ZBTB7C: variants seen among roughly 807,000 people sequenced by gnomAD.
ZBTB7C encodes the protein zinc finger and BTB domain-containing protein 7C.
A neutral mutation model predicts 25.7 loss-of-function variants in ZBTB7C; 8 were observed. The observed-to-expected ratio is 0.31, with a 90% confidence interval of 0.18 to 0.56. The LOEUF (loss-of-function observed/expected upper bound fraction) is 0.56, where lower values mean the gene tolerates loss of function less well. ZBTB7C is among the 20% of genes least tolerant of loss of function. The probability of loss-of-function intolerance (pLI) is 0.91; values close to 1 mark genes in which losing one functional copy is unlikely to be tolerated. For synonymous variants in ZBTB7C, 394 were observed against 369.0 expected (o/e 1.07, Z -0.78); for missense variants, 824 against 855.2 (o/e 0.96, Z 0.46).
At chr18:48,156,646 T>C (rs777268337) in intron 3 of ZBTB7C, among the ~76,000 whole-genome samples, 74 of 152,276 alleles carry the variant, frequency 4.9e-4, no homozygotes, top group Non-Finnish European at 7.9e-4. Context: ...CTTAAGAACA[T>C]CAAACACTGC....
chr18:48,373,910 G>C (rs1198064145), intron 1 of ZBTB7C, among the ~76,000 whole-genome samples: 6 of 151,464 alleles, frequency 4.0e-5, no homozygotes, highest in Non-Finnish European at 8.8e-5. Context: ...GCAGTGAGCT[G>C]AGATCGCGCC....
chr18:48,371,134 T>C (rs1376783679), intron 1 of ZBTB7C, among the ~76,000 whole-genome samples: 2 of 152,106 alleles, frequency 1.3e-5, no homozygotes, highest in African/African-American at 2.4e-5. Flanking sequence ...AGGGGTTCAT[T>C]TCCTGAAGAG....
intron 3 of ZBTB7C, among the ~76,000 whole-genome samples, chr18:48,046,728 T>A (rs539044749): frequency 5.9e-5 from 9 of 152,266 alleles, no homozygotes; most frequent in African/African-American, 2.2e-4. Flanking sequence ...TAAGTGTGGA[T>A]CTTCTGTGCT....
chr18:48,338,030 C>A (rs561239211), intron 2 of ZBTB7C, 144 bp downstream of exon 2: 3 of 152,324 alleles, frequency 2.0e-5, no homozygotes, highest in African/African-American at 7.2e-5. Flanking sequence ...ATAAAGCATC[C>A]ATCTATCATC....
intron 2 of ZBTB7C, among the ~76,000 whole-genome samples, chr18:48,258,711 G>A (rs2044088245): frequency 6.6e-6 from 1 of 152,126 alleles, no homozygotes; most frequent in East Asian, 1.9e-4. Flanking sequence ...AGGCTAGAGT[G>A]CAATGGCATG....
chr18:48,279,939 G>A (rs2044782250), intron 2 of ZBTB7C, among the ~76,000 whole-genome samples: 1 of 152,222 alleles, frequency 6.6e-6, no homozygotes. Context: ...CATTCAAAAG[G>A]GGTTGGTAGG....
intron 3 of ZBTB7C, 62 bp from the exon 4 acceptor site, chr18:48,041,185 C>G: frequency 6.7e-7 from 1 of 1,502,886 alleles, no homozygotes; most frequent in Non-Finnish European, 8.8e-7. Context: ...GGGGTCTCAA[C>G]TCTAGGACTC....
At chr18:48,349,152 G>A (rs940759697) in intron 1 of ZBTB7C, among the ~76,000 whole-genome samples, 1 of 152,202 alleles carries the variant, frequency 6.6e-6, no homozygotes, top group African/African-American at 2.4e-5. Context: ...AGCTTGCTCA[G>A]TGGCTCCTTC....
intron 3 of ZBTB7C, among the ~76,000 whole-genome samples, chr18:48,051,883 G>A (rs892819750): frequency 1.3e-5 from 2 of 151,930 alleles, no homozygotes; most frequent in South Asian, 2.1e-4. Flanking sequence ...GCCCCTTCAA[G>A]CTGTTGTTCT....
intron 2 of ZBTB7C, among the ~76,000 whole-genome samples, chr18:48,325,952 A>G (rs2046208484): frequency 6.6e-6 from 1 of 152,158 alleles, no homozygotes; most frequent in Non-Finnish European, 1.5e-5. Flanking sequence ...AAAGACTATT[A>G]TCTAACAGCT....
chr18:48,288,553 G>A (rs757043111), intron 2 of ZBTB7C, among the ~76,000 whole-genome samples: 2 of 152,058 alleles, frequency 1.3e-5, no homozygotes, highest in Non-Finnish European at 2.9e-5. Context: ...CTACTTGGGA[G>A]GCTGAGGCAG....
At position 48,381,336 on chromosome 18, in the gene ZBTB7C, G is replaced by A. The variant is rs539626826; in HGVS notation, c.-304+27890C>T. On this transcript the variant is annotated intron_variant, in intron 1 of 4. Coordinates refer to ENST00000590800, the MANE Select transcript of ZBTB7C (RefSeq NM_001318841.2). Reference sequence around the variant, plus strand: ...CACAGGTATCAATCAGTCCAGATTGGAGCACATCAGAGACACAGAGAAATT... The same window carrying A: ...CACAGGTATCAATCAGTCCAGATTGAAGCACATCAGAGACACAGAGAAATT... Among the ~76,000 whole-genome samples the A allele has an allele frequency of 5.9e-5, 9 of 152,314 alleles. No individual in the cohort carries two copies. In the South Asian group the frequency reaches 1.9e-3, roughly 32 times the overall value.
At chr18:48,107,910 C>T (rs2039091198) in intron 3 of ZBTB7C, among the ~76,000 whole-genome samples, 1 of 152,158 alleles carries the variant, frequency 6.6e-6, no homozygotes, top group Non-Finnish European at 1.5e-5. Flanking sequence ...GCCCCTTATC[C>T]TTCCTTGCTC....
At chr18:48,052,245 T>A (rs1038744201) in intron 3 of ZBTB7C, among the ~76,000 whole-genome samples, 2 of 152,182 alleles carry the variant, frequency 1.3e-5, no homozygotes, top group African/African-American at 2.4e-5. Flanking sequence ...GGGACAAGCA[T>A]CAACCCATGA....
chr18:48,146,541 T>C (rs1391324942), intron 3 of ZBTB7C, among the ~76,000 whole-genome samples: 1 of 152,186 alleles, frequency 6.6e-6, no homozygotes, highest in Non-Finnish European at 1.5e-5. Context: ...GATATATTCA[T>C]AAAATTTGCT....
chr18:48,095,507 T>C (rs949429623), intron 3 of ZBTB7C, among the ~76,000 whole-genome samples: 2 of 151,958 alleles, frequency 1.3e-5, no homozygotes, highest in South Asian at 4.1e-4. Context: ...AAGTCAGGGG[T>C]TCGAGACCAG....
chr18:48,044,911 G>A (rs1598769684), intron 3 of ZBTB7C, among the ~76,000 whole-genome samples: 2 of 152,246 alleles, frequency 1.3e-5, no homozygotes, highest in Non-Finnish European at 1.5e-5. Context: ...TGAGGGAAAT[G>A]AAGCCACTAA....
intron 1 of ZBTB7C, among the ~76,000 whole-genome samples, chr18:48,401,978 G>A (rs2048168800): frequency 6.6e-6 from 1 of 152,048 alleles, no homozygotes; most frequent in Admixed American, 6.6e-5. Context: ...AAGCCACCAA[G>A]GCCCCAGAAC....
chr18:48,198,856 C>T (rs967644055), intron 2 of ZBTB7C, among the ~76,000 whole-genome samples: 2 of 152,220 alleles, frequency 1.3e-5, no homozygotes, highest in Admixed American at 6.5e-5. Flanking sequence ...CTACCCTACA[C>T]ACCATGCTTG....
Sources: allele counts gnomAD v4.1 joint callset (sites outside exome capture counted in the v4.1 genomes callset), GRCh38; gene constraint gnomAD v4.1.1; transcripts MANE v1.5; gene names NCBI Gene and HGNC (gene_info 2026-07-23, HGNC 2026-07-21).